Variants in ZNF676 observed in about 807,000 individuals in gnomAD.
ZNF676 encodes zinc finger protein 676.
A neutral mutation model predicts 6.0 loss-of-function variants in ZNF676; 4 were observed. The observed-to-expected ratio is 0.67, with a 90% CI of 0.33 to 1.53. The LOEUF (loss-of-function observed/expected upper bound fraction) is 1.53, where lower values mean the gene tolerates loss of function less well. ZNF676 is among the 40% of genes most tolerant of loss of function. The pLI is 0.06. For synonymous variants in ZNF676, 198 were observed against 223.1 expected (o/e 0.89, Z 1.00); for missense variants, 644 against 679.7 (o/e 0.95, Z 0.58).
chr19:22,239,577 G>A, the ZNF676 span, among the ~76,000 whole-genome samples: 13 of 152,260 alleles, frequency 8.5e-5, no homozygotes, highest in East Asian at 5.8e-4. Context: ...CTTTGTCTGC[G>A]TATTAAAGTC....
At chr19:22,187,170 C>T (rs1048789667) in intron 2 of ZNF676, among the ~76,000 whole-genome samples, 1 of 152,172 alleles carries the variant, frequency 6.6e-6, no homozygotes, top group African/African-American at 2.4e-5. Context: ...AACAAACAGT[C>T]TCTCAGACCA....
At chr19:22,236,724 CCTAG>C in the ZNF676 span, among the ~76,000 whole-genome samples, 1 of 152,110 alleles carries the variant, frequency 6.6e-6, no homozygotes, top group East Asian at 1.9e-4. Context: ...TTCCATTTGA[CCTAG>C]AAGTTTTCTG....
At chr19:22,206,039 A>T (rs954218507) in intron 1 of ZNF676, among the ~76,000 whole-genome samples, 49 of 138,992 alleles carry the variant, frequency 3.5e-4, no homozygotes, top group Admixed American at 2.3e-4. Context: ...TTGAACAAAT[A>T]CATCCTCCCA....
At chr19:22,217,829 G>C (rs1054847040), upstream of ZNF676, among the ~76,000 whole-genome samples, 7 of 151,866 alleles carry the variant, frequency 4.6e-5, no homozygotes, top group African/African-American at 1.5e-4. Flanking sequence ...TCAGCCTCTG[G>C]AGTAGCAGGG....
At chr19:22,207,282 C>T (rs34407605) in intron 1 of ZNF676, among the ~76,000 whole-genome samples, 41,619 of 149,524 alleles carry the variant, frequency 0.28, 5,047 homozygotes, top group Non-Finnish European at 0.36. Flanking sequence ...AAATTAGTAG[C>T]AACCCTATAT....
the ZNF676 span, among the ~76,000 whole-genome samples, chr19:22,226,261 T>C: frequency 6.6e-6 from 1 of 152,172 alleles, no homozygotes; most frequent in African/African-American, 2.4e-5. Context: ...TTCTGATTTA[T>C]CATCTGTTTA....
upstream of ZNF676, among the ~76,000 whole-genome samples, chr19:22,197,410 A>C (rs1426957708): frequency 6.6e-6 from 1 of 151,976 alleles, no homozygotes; most frequent in African/African-American, 2.4e-5. Flanking sequence ...ATGTTGAGTT[A>C]GAAGGTATGA....
At chr19:22,229,357 T>C in the ZNF676 span, among the ~76,000 whole-genome samples, 1 of 152,144 alleles carries the variant, frequency 6.6e-6, no homozygotes, top group Admixed American at 6.5e-5. Flanking sequence ...TAACTCAAGA[T>C]GGATTAAAGA....
At chr19:22,258,575 C>A in the ZNF676 span, among the ~76,000 whole-genome samples, 2 of 152,086 alleles carry the variant, frequency 1.3e-5, no homozygotes, top group South Asian at 2.1e-4. Context: ...ATGGTCACAG[C>A]GATACGTCAG....
chr19:22,255,574 A>G, the ZNF676 span, among the ~76,000 whole-genome samples: 2 of 152,154 alleles, frequency 1.3e-5, no homozygotes, highest in Non-Finnish European at 2.9e-5. Flanking sequence ...CACTGGGTGC[A>G]GTGGCTCACA....
At chr19:22,251,472 A>G in the ZNF676 span, among the ~76,000 whole-genome samples, 2 of 152,172 alleles carry the variant, frequency 1.3e-5, no homozygotes, top group Non-Finnish European at 2.9e-5. Context: ...CTCAAAAGAA[A>G]CAAGAGAGAT....
chr19:22,259,613 T>C, the ZNF676 span: 6 of 152,220 alleles, frequency 3.9e-5, no homozygotes, highest in Non-Finnish European at 1.5e-5. Flanking sequence ...CCCACAGAAA[T>C]ATTACATTCT....
chr19:22,244,918 G>C, the ZNF676 span: 2 of 152,228 alleles, frequency 1.3e-5, no homozygotes, highest in Non-Finnish European at 2.9e-5. Context: ...GCTGGATCCA[G>C]TGATATGTCA....
At chr19:22,212,806 G>A (rs1408549565) in intron 1 of ZNF676, among the ~76,000 whole-genome samples, 1 of 151,826 alleles carries the variant, frequency 6.6e-6, no homozygotes, top group African/African-American at 2.4e-5. Flanking sequence ...ACCAGCCTGG[G>A]CAATATGGTG....
chr19:22,216,628 T>C (rs1295942155), upstream of ZNF676, among the ~76,000 whole-genome samples: 1 of 151,436 alleles, frequency 6.6e-6, no homozygotes, highest in Non-Finnish European at 1.5e-5. Context: ...TTTTTTTAAC[T>C]TGAAACAACC....
the ZNF676 span, among the ~76,000 whole-genome samples, chr19:22,233,009 G>A: frequency 6.6e-6 from 1 of 151,914 alleles, no homozygotes; most frequent in African/African-American, 2.4e-5. Context: ...AATGTTAAAG[G>A]CATTACAGTT....
chr19:22,232,035 G>C, the ZNF676 span, among the ~76,000 whole-genome samples: 3 of 151,522 alleles, frequency 2.0e-5, no homozygotes, highest in Admixed American at 2.0e-4. Context: ...TTGTATATCT[G>C]TGTGTGTGTG....
At chr19:22,239,576 CG>C in the ZNF676 span, among the ~76,000 whole-genome samples, 1 of 152,092 alleles carries the variant, frequency 6.6e-6, no homozygotes, top group East Asian at 1.9e-4. Flanking sequence ...GCTTTGTCTG[CG>C]TATTAAAGTC....
At chr19:22,231,206 A>C in the ZNF676 span, among the ~76,000 whole-genome samples, 3 of 122,432 alleles carry the variant, frequency 2.5e-5, no homozygotes, top group African/African-American at 3.7e-5. Context: ...ACAAGGTATC[A>C]CAAAAAAAAA....
Sources: allele counts gnomAD v4.1 joint callset (sites outside exome capture counted in the v4.1 genomes callset), GRCh38; gene constraint gnomAD v4.1.1; transcripts MANE v1.5; gene names NCBI Gene and HGNC (gene_info 2026-07-23, HGNC 2026-07-21).